Variants in SBF2 observed in about 807,000 individuals in gnomAD.
SBF2 encodes myotubularin-related protein 13.
SBF2 carries 112 observed loss-of-function variants against 225.2 expected under a neutral mutation model. The observed-to-expected ratio is 0.50, with a 90% CI of 0.43 to 0.58. The LOEUF (loss-of-function observed/expected upper bound fraction) is 0.58. SBF2 is among the 20% of genes least tolerant of loss of function. SBF2 has a pLI of 0.00. For missense variants in SBF2, 1,996 were observed against 2,206.2 expected, an observed-to-expected ratio of 0.90 and a Z score of 1.91; for synonymous variants, 763 against 773.3, an observed-to-expected ratio of 0.99 and a Z score of 0.22.
At chr11:10,089,762 C>T (rs1191125143) in intron 2 of SBF2, among the ~76,000 whole-genome samples, 1 of 152,130 alleles carries the variant, frequency 6.6e-6, no homozygotes, top group Non-Finnish European at 1.5e-5. Context: ...GCCAAACCAA[C>T]ACAAAACTAA....
intron 1 of SBF2, among the ~76,000 whole-genome samples, chr11:10,269,304 T>C (rs1962271493): frequency 6.6e-6 from 1 of 152,140 alleles, no homozygotes. Context: ...TCACAGTATC[T>C]TACCTTAGTC....
At chr11:9,877,642 C>T (rs12416904) in intron 17 of SBF2, among the ~76,000 whole-genome samples, 26,807 of 152,022 alleles carry the variant, frequency 0.18, 3,008 homozygotes, top group Non-Finnish European at 0.25. Flanking sequence ...TGAGAACATG[C>T]GGTGTTTGGT....
intron 2 of SBF2, among the ~76,000 whole-genome samples, chr11:10,180,071 A>C (rs984324346): frequency 4.6e-5 from 7 of 152,100 alleles, no homozygotes; most frequent in Non-Finnish European, 1.0e-4. Context: ...ATATGTCTTG[A>C]AAAGTCCTTG....
At chr11:9,983,738 C>T (rs549250079) in intron 13 of SBF2, among the ~76,000 whole-genome samples, 12 of 152,192 alleles carry the variant, frequency 7.9e-5, no homozygotes, top group Non-Finnish European at 1.5e-4. Context: ...GACCCATAGA[C>T]GGTTCACATC....
At chr11:10,193,252 T>A (rs577573628) in intron 2 of SBF2, among the ~76,000 whole-genome samples, 25 of 148,678 alleles carry the variant, frequency 1.7e-4, no homozygotes, top group African/African-American at 3.5e-4. Context: ...AAAAAAAAAA[T>A]ATATATATGT....
chr11:10,173,620 A>C (rs1300494272), intron 2 of SBF2, among the ~76,000 whole-genome samples: 1 of 152,192 alleles, frequency 6.6e-6, no homozygotes, highest in African/African-American at 2.4e-5. Context: ...GCTTAGGTAA[A>C]CAAAGCAGCA....
At chr11:10,063,595 G>A (rs1007791411) in intron 2 of SBF2, among the ~76,000 whole-genome samples, 1 of 151,652 alleles carries the variant, frequency 6.6e-6, no homozygotes, top group Admixed American at 6.6e-5. Flanking sequence ...CTGACCTCAT[G>A]ATCTGCCTGA....
At chr11:10,260,438 C>G (rs1045639037) in intron 1 of SBF2, among the ~76,000 whole-genome samples, 1 of 151,826 alleles carries the variant, frequency 6.6e-6, no homozygotes, top group Non-Finnish European at 1.5e-5. Flanking sequence ...ATTTACAGGT[C>G]GGGCACGGTG....
At chr11:9,930,948 T>A (rs1410251221) in intron 16 of SBF2, among the ~76,000 whole-genome samples, 1 of 152,216 alleles carries the variant, frequency 6.6e-6, no homozygotes, top group African/African-American at 2.4e-5. Context: ...GAAGATTCTC[T>A]CCCATGCCAG....
intron 1 of SBF2, among the ~76,000 whole-genome samples, chr11:10,205,295 A>T (rs572951477): frequency 6.6e-6 from 1 of 152,028 alleles, no homozygotes. Flanking sequence ...TATGTAAATT[A>T]TATGTCAATA....
intron 13 of SBF2, among the ~76,000 whole-genome samples, chr11:9,981,638 T>C (rs2134434598): frequency 6.6e-6 from 1 of 152,346 alleles, no homozygotes; most frequent in South Asian, 2.1e-4. Flanking sequence ...ACCATTATTA[T>C]ATTTTAATCT....
chr11:10,132,307 G>A (rs986100714), intron 2 of SBF2, among the ~76,000 whole-genome samples: 2 of 152,134 alleles, frequency 1.3e-5, no homozygotes, highest in South Asian at 2.1e-4. Flanking sequence ...TTTCGTGAAC[G>A]ACAGGGGTCC....
chr11:10,135,722 C>T (rs1474659181), intron 2 of SBF2, among the ~76,000 whole-genome samples: 1 of 152,174 alleles, frequency 6.6e-6, no homozygotes, highest in Non-Finnish European at 1.5e-5. Context: ...GAGACCACAT[C>T]AGCCTGAACT....
chr11:10,225,040 G>T (rs1218219623), intron 1 of SBF2, among the ~76,000 whole-genome samples: 1 of 152,156 alleles, frequency 6.6e-6, no homozygotes, highest in African/African-American at 2.4e-5. Context: ...CCATCTTGGA[G>T]ATAGAGGGGT....
At chr11:9,870,469 A>C (rs1858630863) in intron 17 of SBF2, among the ~76,000 whole-genome samples, 1 of 152,242 alleles carries the variant, frequency 6.6e-6, no homozygotes, top group African/African-American at 2.4e-5. Flanking sequence ...ACAAGGCTAC[A>C]GGAACCCAAA....
intron 22 of SBF2, 116 bp downstream of exon 22, chr11:9,849,907 T>C (rs887828720): frequency 7.1e-6 from 7 of 979,360 alleles, no homozygotes; most frequent in Admixed American, 3.4e-5. Flanking sequence ...AAAATACCTG[T>C]GTGGCAAAAA....
chr11:9,974,377 T>C (rs1256503473), intron 13 of SBF2, among the ~76,000 whole-genome samples: 2 of 151,976 alleles, frequency 1.3e-5, no homozygotes, highest in African/African-American at 4.8e-5. Flanking sequence ...AGTAGCACAG[T>C]CCCTCCAACT....
chr11:10,208,651 A>G (rs1957827899), intron 1 of SBF2, among the ~76,000 whole-genome samples: 1 of 152,132 alleles, frequency 6.6e-6, no homozygotes, highest in Admixed American at 6.5e-5. Context: ...ATCTATGCCT[A>G]TCAAGGTATT....
rs1056957800 is a variant in SBF2, at chr11:10,030,909, T to C, written c.402+139A>G. 54 of 696,828 alleles carry C rather than the reference T, an allele frequency of 7.7e-5. No individual in the cohort carries two copies. The African/African-American group carries it at 9.3e-4, about 12-fold the overall frequency. The allele number at this position is 696,828 out of a possible 1,614,324, so 43.2% of individuals were successfully genotyped here. ...TCACCCAACATGAAAATATTTCTTC[T>C]GTTCATGCTAACTGTATTTCATAGA... is the stretch of plus-strand genomic sequence containing the variant. On this transcript the variant is annotated intron_variant, in intron 4 of 39. Coordinates refer to ENST00000256190, the MANE Select transcript of SBF2 (RefSeq NM_030962.4).
Sources: allele counts gnomAD v4.1 joint callset (sites outside exome capture counted in the v4.1 genomes callset), GRCh38; gene constraint gnomAD v4.1.1; transcripts MANE v1.5; gene names NCBI Gene and HGNC (gene_info 2026-07-23, HGNC 2026-07-21).